The following KCNAB1 variants were observed in gnomAD, a reference collection of about 807,000 sequenced individuals.
KCNAB1 encodes potassium voltage-gated channel subfamily A regulatory beta subunit 1, also known as voltage-gated potassium channel subunit beta-1.
In KCNAB1, 35 loss-of-function variants were observed where a neutral mutation model predicts 64.6. That is an observed-to-expected ratio of 0.54 (90% confidence interval 0.41 to 0.72). The LOEUF is 0.72. Ranked by LOEUF, KCNAB1 falls within the 30% of genes least tolerant of loss-of-function variation. The probability of loss-of-function intolerance (pLI) is 0.00; values close to 1 mark genes in which losing one functional copy is unlikely to be tolerated. For missense variants in KCNAB1, 401 were observed against 512.9 expected (o/e 0.78, Z 2.11); for synonymous variants, 177 against 183.8 (o/e 0.96, Z 0.30).
intron 1 of KCNAB1, among the ~76,000 whole-genome samples, chr3:156,359,519 C>G (rs1373956944): frequency 6.6e-6 from 1 of 152,216 alleles, no homozygotes; most frequent in Non-Finnish European, 1.5e-5. Flanking sequence ...GATCGGTTGA[C>G]TGTTGCTGCT....
intron 12 of KCNAB1, among the ~76,000 whole-genome samples, chr3:156,527,099 C>T (rs62285077): frequency 0.17 from 26,082 of 151,920 alleles, 2,402 homozygotes; most frequent in African/African-American, 0.21. Context: ...TGCCATGTAC[C>T]GTAGTATATG....
intron 1 of KCNAB1, among the ~76,000 whole-genome samples, chr3:156,284,470 C>T (rs1227571632): frequency 6.6e-6 from 1 of 152,212 alleles, no homozygotes; most frequent in Non-Finnish European, 1.5e-5. Context: ...GCAGGCAGGC[C>T]TCCTTGAGCT....
At chr3:156,503,469 G>A (rs956246667) in intron 8 of KCNAB1, among the ~76,000 whole-genome samples, 2 of 152,200 alleles carry the variant, frequency 1.3e-5, no homozygotes, top group African/African-American at 4.8e-5. Context: ...ATAATATTAA[G>A]AGGATATAGC....
At chr3:156,465,562 A>G in intron 6 of KCNAB1, 81 bp from the exon 7 acceptor site, 7 of 1,317,326 alleles carry the variant, frequency 5.3e-6, no homozygotes, top group Non-Finnish European at 7.7e-6. Context: ...AGGGTGCAAA[A>G]TTAGCAATTC....
chr3:156,238,714 A>G (rs1560152366), intron 1 of KCNAB1, among the ~76,000 whole-genome samples: 1 of 152,126 alleles, frequency 6.6e-6, no homozygotes, highest in Non-Finnish European at 1.5e-5. Context: ...AACATGAGTA[A>G]TTTTTCTAAA....
At chr3:156,137,611 C>T (rs772288668) in intron 1 of KCNAB1, among the ~76,000 whole-genome samples, 4 of 151,122 alleles carry the variant, frequency 2.6e-5, no homozygotes, top group Admixed American at 1.3e-4. Flanking sequence ...TGCACTTGCG[C>T]GATCTCACCA....
At chr3:156,473,491 TG>T (rs1431584268) in intron 7 of KCNAB1, among the ~76,000 whole-genome samples, 4 of 152,212 alleles carry the variant, frequency 2.6e-5, no homozygotes, top group African/African-American at 9.6e-5. Context: ...TTGAGATAGC[TG>T]GTGATACCCT....
At chr3:156,129,787 C>G (rs1177641483) in intron 1 of KCNAB1, among the ~76,000 whole-genome samples, 2 of 152,184 alleles carry the variant, frequency 1.3e-5, no homozygotes, top group East Asian at 1.9e-4. Flanking sequence ...CTAGGAGTCT[C>G]TCTATGAGCC....
At chr3:156,348,088 G>A (rs1228808385) in intron 1 of KCNAB1, among the ~76,000 whole-genome samples, 1 of 152,140 alleles carries the variant, frequency 6.6e-6, no homozygotes, top group Non-Finnish European at 1.5e-5. Context: ...TAGGATAGGA[G>A]ATATGAAGGG....
In KCNAB1 at chr3:156,175,654, G is replaced by C. The variant is rs143959659; in HGVS notation, c.275+54768G>C. 3.8e-3 allele frequency among the ~76,000 whole-genome samples: 577 copies of C among 152,312 alleles called. 3 individuals carry two copies. Among genetic ancestry groups the C allele is most frequent in the African/African-American group, 0.013 (546 of 41,584 alleles). ...CAAAACAGTTCCTGAAATCAGGCAGGTGGATTTTAGAGGCCACGGGGAGCT... is the reference window on the plus strand; with the variant it reads ...CAAAACAGTTCCTGAAATCAGGCAGCTGGATTTTAGAGGCCACGGGGAGCT... On this transcript the variant is annotated intron_variant, in intron 1 of 13. Coordinates refer to ENST00000490337, the MANE Select transcript of KCNAB1 (RefSeq NM_172160.3).
At chr3:156,481,334 G>A (rs1054361916) in intron 8 of KCNAB1, among the ~76,000 whole-genome samples, 7 of 151,456 alleles carry the variant, frequency 4.6e-5, no homozygotes, top group Admixed American at 1.3e-4. Flanking sequence ...TTGAAAGCCC[G>A]GGACAGTTGA....
At chr3:156,319,920 A>G (rs138982284) in intron 1 of KCNAB1, among the ~76,000 whole-genome samples, 3 of 152,296 alleles carry the variant, frequency 2.0e-5, no homozygotes, top group Non-Finnish European at 4.4e-5. Context: ...AAGTAAGTAT[A>G]CCATCTGCTT....
At chr3:156,233,075 T>C (rs761693944) in intron 1 of KCNAB1, among the ~76,000 whole-genome samples, 31 of 152,156 alleles carry the variant, frequency 2.0e-4, no homozygotes, top group Non-Finnish European at 2.9e-4. Context: ...AAAATAATAG[T>C]TCTGCACTGA....
chr3:156,339,974 T>C (rs781721093), intron 1 of KCNAB1, among the ~76,000 whole-genome samples: 14 of 152,246 alleles, frequency 9.2e-5, no homozygotes, highest in Non-Finnish European at 1.5e-4. Flanking sequence ...TCAACTTCTC[T>C]CTCAAGATGA....
chr3:156,169,209 C>G (rs1331862565), intron 1 of KCNAB1, among the ~76,000 whole-genome samples: 1 of 152,110 alleles, frequency 6.6e-6, no homozygotes, highest in Non-Finnish European at 1.5e-5. Context: ...CAGTTAGAAT[C>G]TTGAGTGCAA....
chr3:156,185,461 T>C (rs1389436192), intron 1 of KCNAB1, among the ~76,000 whole-genome samples: 2 of 152,244 alleles, frequency 1.3e-5, no homozygotes, highest in Non-Finnish European at 2.9e-5. Context: ...ATTAAGTTGA[T>C]GTCAGATAGG....
At chr3:156,158,169 A>AT (rs1715843295) in intron 1 of KCNAB1, among the ~76,000 whole-genome samples, 1 of 80,776 alleles carries the variant, frequency 1.2e-5, no homozygotes, top group Non-Finnish European at 2.4e-5. Flanking sequence ...TGTCTCAAAA[A>AT]AAAAAATAAA....
intron 1 of KCNAB1, among the ~76,000 whole-genome samples, chr3:156,223,169 G>A (rs2108418701): frequency 6.6e-6 from 1 of 152,312 alleles, no homozygotes; most frequent in South Asian, 2.1e-4. Context: ...GGTCTCACTG[G>A]CTTCAGCAGT....
intron 1 of KCNAB1, chr3:156,176,013 G>C: frequency 1.2e-6 from 1 of 843,428 alleles, no homozygotes; most frequent in Non-Finnish European, 2.1e-6. Flanking sequence ...TGTCGGCTGT[G>C]CCAGGTGCTA....
Sources: allele counts gnomAD v4.1 joint callset (sites outside exome capture counted in the v4.1 genomes callset), GRCh38; gene constraint gnomAD v4.1.1; transcripts MANE v1.5; gene names NCBI Gene and HGNC (gene_info 2026-07-23, HGNC 2026-07-21).